TECPR2: variants seen among roughly 807,000 people sequenced by gnomAD.
The protein encoded by TECPR2 is tectonin beta-propeller repeat-containing protein 2.
Under a neutral mutation model 138.1 loss-of-function variants are expected in TECPR2, and 65 were observed. The ratio of observed to expected loss-of-function variants is 0.47; its 90% CI spans 0.39 to 0.58. The LOEUF (loss-of-function observed/expected upper bound fraction) is 0.58, where lower values mean the gene tolerates loss of function less well. Ranked by LOEUF, TECPR2 falls within the 20% of genes least tolerant of loss-of-function variation. The probability of loss-of-function intolerance (pLI) is 0.00; values close to 1 mark genes in which losing one functional copy is unlikely to be tolerated. For synonymous variants in TECPR2, 746 were observed against 749.8 expected (o/e 0.99, Z 0.08); for missense variants, 1,553 against 1,824.5 (o/e 0.85, Z 2.71).
chr14:102,467,475 C>T (rs777150789), intron 17 of TECPR2, among the ~76,000 whole-genome samples: 2 of 152,010 alleles, frequency 1.3e-5, no homozygotes, highest in Admixed American at 1.3e-4. Flanking sequence ...CAGGCATGCA[C>T]CACCATGCCC....
intron 11 of TECPR2, among the ~76,000 whole-genome samples, chr14:102,442,048 G>A (rs1567343642): frequency 6.6e-6 from 1 of 152,084 alleles, no homozygotes; most frequent in Non-Finnish European, 1.5e-5. Flanking sequence ...GCACAATCTC[G>A]GCTCACTGCA....
chr14:102,434,743 C>T lies in TECPR2; in HGVS notation c.1926C>T (p.Val642=), dbSNP rs770279871. The change falls in exon 9 of 20, where the codon GTC becomes GTT. Residue 642 remains valine (V), a synonymous_variant. Transcript: ENST00000359520. ...PIGPQSTFCE[V]PLLNSLTVPS... ...GCCCCCAAAGCACTTTTTGTGAAGT[C>T]CCCCTCCTGAACTCACTCACTGTGC... is the stretch of plus-strand genomic sequence containing the variant. 2.1e-5 allele frequency: 34 copies of T among 1,613,502 alleles called. No homozygotes were observed. In the African/African-American group the frequency reaches 2.4e-4, roughly 11 times the overall value.
chr14:102,427,455 T>A (rs1889353555), intron 6 of TECPR2, among the ~76,000 whole-genome samples: 1 of 152,056 alleles, frequency 6.6e-6, no homozygotes, highest in South Asian at 2.1e-4. Context: ...CGGAAACAAA[T>A]GTTATGTTTG....
rs2139806282 is a variant in TECPR2 at position 102,499,758 on chromosome 14, C to T, written c.*1501C>T. On this transcript the variant is annotated 3_prime_UTR_variant, in exon 20 of 20. Transcript: ENST00000359520. ...AGGCTGGCTGCTTTTTTTAGCCTGC[C>T]CCTGGCCCAGGCCCAGTCCTTGGTG... The T allele has an allele frequency of 6.2e-6, 1 of 160,166 alleles. No individual in the cohort carries two copies. Among genetic ancestry groups the T allele is most frequent in the Non-Finnish European group, 1.4e-5 (1 of 72,518 alleles). 9.9% of individuals were successfully genotyped at this position (160,166 alleles called of 1,614,324 possible).
chr14:102,424,217 G>T (rs1889256000), intron 5 of TECPR2, among the ~76,000 whole-genome samples: 1 of 152,210 alleles, frequency 6.6e-6, no homozygotes, highest in Non-Finnish European at 1.5e-5. Context: ...TTAGGCAGCT[G>T]TAGCACAACG....
intron 17 of TECPR2, among the ~76,000 whole-genome samples, chr14:102,470,442 G>A (rs1008102536): frequency 3.3e-5 from 5 of 151,612 alleles, no homozygotes; most frequent in Non-Finnish European, 7.4e-5. Flanking sequence ...CTAGTAGCTG[G>A]GACTACAGGC....
chr14:102,393,005 G>A (rs1433318979), intron 2 of TECPR2, among the ~76,000 whole-genome samples: 1 of 152,102 alleles, frequency 6.6e-6, no homozygotes, highest in African/African-American at 2.4e-5. Flanking sequence ...TTTTTCCCTA[G>A]CTTACTCCTT....
chr14:102,487,866 A>C (rs1891069077), intron 17 of TECPR2, among the ~76,000 whole-genome samples: 2 of 131,416 alleles, frequency 1.5e-5, no homozygotes, highest in South Asian at 4.8e-4. Flanking sequence ...TTTGATACGG[A>C]GTTTCACTCT....
chr14:102,422,215 T>C (rs1431424031), intron 5 of TECPR2, among the ~76,000 whole-genome samples: 1 of 152,132 alleles, frequency 6.6e-6, no homozygotes, highest in Admixed American at 6.6e-5. Flanking sequence ...CAAAATAGCT[T>C]TAAAAAATAA....
chr14:102,414,060 A>G (rs1274579976), intron 4 of TECPR2, among the ~76,000 whole-genome samples: 1 of 152,198 alleles, frequency 6.6e-6, no homozygotes, highest in East Asian at 1.9e-4. Context: ...TATATATTTA[A>G]TATCATTTAA....
At chr14:102,365,842 G>A (rs1887334156) in intron 1 of TECPR2, among the ~76,000 whole-genome samples, 1 of 152,152 alleles carries the variant, frequency 6.6e-6, no homozygotes, top group African/African-American at 2.4e-5. Flanking sequence ...GCTTGTGTTA[G>A]GCTTTAGCTT....
In TECPR2 at chr14:102,415,639, C is replaced by T. The variant is rs573835104; in HGVS notation, c.638+846C>T. ...CAAGGAGGAGGTAGACTGGGGCCAA[C>T]GTGGGGGTGGGAAGCAGAGGGCGGC... On this transcript the variant is annotated intron_variant, in intron 5 of 19. Coordinates refer to ENST00000359520, the MANE Select transcript of TECPR2 (RefSeq NM_014844.5). The surrounding 1 kb of genome is among the most constrained non-coding windows in gnomAD (Gnocchi z 4.3). Among the ~76,000 whole-genome samples the T allele has an allele frequency of 6.6e-6, 1 of 152,046 alleles. No individual in the cohort carries two copies. The highest frequency in any genetic ancestry group is 6.6e-5 in the Admixed American group (1 of 15,266).
intron 2 of TECPR2, among the ~76,000 whole-genome samples, chr14:102,406,685 C>A (rs1037843486): frequency 2.4e-4 from 36 of 152,152 alleles, no homozygotes; most frequent in African/African-American, 8.7e-4. Flanking sequence ...GAGACCTTGT[C>A]TCTACAAAAA....
At chr14:102,494,894 G>C (rs937428975) in intron 17 of TECPR2, among the ~76,000 whole-genome samples, 1 of 151,080 alleles carries the variant, frequency 6.6e-6, no homozygotes, top group Admixed American at 6.6e-5. Context: ...AGTCACTCCA[G>C]CGGCACCCTG....
rs907435893 is a variant in TECPR2 at position 102,443,996 on chromosome 14, C to T, written c.2933+169C>T. 5.3e-5 allele frequency among the ~76,000 whole-genome samples: 8 copies of T among 152,220 alleles called. No individual in the cohort carries two copies. The highest frequency in any genetic ancestry group is 3.9e-4 in the East Asian group (2 of 5,178). ...GCCTAATTCTGACCGGCAAACTGGA[C>T]GTTGAGTCAGAGCTCGCTTTTTAAA... is the stretch of plus-strand genomic sequence containing the variant. On this transcript the variant is annotated intron_variant, in intron 12 of 19. Transcript: ENST00000359520. This position sits in a 1 kb window ranked among gnomAD's most constrained non-coding sequence, Gnocchi z 4.9.
Position 102,425,658 on chromosome 14 carries a change from C to G in TECPR2, c.951+367C>G, listed in dbSNP as rs532075319. Among the ~76,000 whole-genome samples, 22 of 152,150 alleles carry G rather than the reference C, an allele frequency of 1.4e-4. No individual in the cohort carries two copies. The East Asian group carries it at 4.3e-3, about 29-fold the overall frequency. On this transcript the variant is annotated intron_variant, in intron 6 of 19. Coordinates refer to ENST00000359520, the MANE Select transcript of TECPR2 (RefSeq NM_014844.5). The stretch of plus-strand genomic sequence containing the variant: ...TGGCATGATCTCGGCTTACTGCAAC[C>G]TCCACCTCCCAGGTTCAAGCGATTC...
At chr14:102,452,140 C>A (rs1359356091) in intron 15 of TECPR2, among the ~76,000 whole-genome samples, 2 of 152,246 alleles carry the variant, frequency 1.3e-5, no homozygotes, top group African/African-American at 4.8e-5. Flanking sequence ...TTCATAAAAT[C>A]TCCTAAGCCT....
intron 5 of TECPR2, among the ~76,000 whole-genome samples, chr14:102,418,510 A>T (rs1473497177): frequency 6.6e-6 from 1 of 152,184 alleles, no homozygotes; most frequent in Admixed American, 6.5e-5. Context: ...CCTTAGAGAG[A>T]GGCTCTGGAG....
chr14:102,409,329 C>A (rs887448118), intron 4 of TECPR2, among the ~76,000 whole-genome samples: 1 of 151,024 alleles, frequency 6.6e-6, no homozygotes, highest in African/African-American at 2.4e-5. Flanking sequence ...GAGACAGTCT[C>A]GCTCTTGTCG....
Sources: allele counts gnomAD v4.1 joint callset (sites outside exome capture counted in the v4.1 genomes callset), GRCh38; gene constraint gnomAD v4.1.1; non-coding constraint Gnocchi (gnomAD v3.1); transcripts MANE v1.5; gene names NCBI Gene and HGNC (gene_info 2026-07-23, HGNC 2026-07-21).